The following LOC400499 variants were observed in gnomAD, a reference collection of about 807,000 sequenced individuals.
the LOC400499 span, chr16:11,523,624 G>C: frequency 2.5e-6 from 1 of 394,272 alleles, no homozygotes; most frequent in East Asian, 3.6e-5. Flanking sequence ...TCAGGGGAGG[G>C]AGGGCCACAA....
chr16:11,487,071 T>C, the LOC400499 span, among the ~76,000 whole-genome samples: 1 of 149,768 alleles, frequency 6.7e-6, no homozygotes, highest in East Asian at 2.0e-4. Context: ...AGGGATGGAG[T>C]GATGGAGGCA....
the LOC400499 span, among the ~76,000 whole-genome samples, chr16:11,464,563 A>C: frequency 6.6e-6 from 1 of 152,188 alleles, no homozygotes; most frequent in Admixed American, 6.5e-5. Flanking sequence ...CTTAAATCCC[A>C]TTAGCTTTGA....
At chr16:11,463,797 G>A in the LOC400499 span, among the ~76,000 whole-genome samples, 386 of 152,214 alleles carry the variant, frequency 2.5e-3, 4 homozygotes, top group African/African-American at 6.0e-3. Context: ...ACATATGGAT[G>A]TTTGTGTGTA....
At chr16:11,377,375 T>C in the LOC400499 span, among the ~76,000 whole-genome samples, 3 of 152,252 alleles carry the variant, frequency 2.0e-5, no homozygotes, top group South Asian at 6.2e-4. Context: ...TCCAGCATTA[T>C]GAAAGCAGGC....
chr16:11,384,528 G>C, the LOC400499 span, among the ~76,000 whole-genome samples: 1 of 152,150 alleles, frequency 6.6e-6, no homozygotes. Flanking sequence ...AAGCACAGGG[G>C]CTCAGGGACA....
At chr16:11,423,208 G>A in the LOC400499 span, 8 of 399,310 alleles carry the variant, frequency 2.0e-5, no homozygotes, top group South Asian at 2.5e-4. Flanking sequence ...ATGTCCCCTC[G>A]GCACCATCCT....
chr16:11,417,468 G>C, the LOC400499 span, among the ~76,000 whole-genome samples: 1 of 146,078 alleles, frequency 6.8e-6, no homozygotes. Flanking sequence ...CCTGCCTTGG[G>C]AGTTAGGTCA....
chr16:11,476,640 C>A, the LOC400499 span: 2 of 372,558 alleles, frequency 5.4e-6, no homozygotes, highest in Non-Finnish European at 9.1e-6. Flanking sequence ...CCATGCACAT[C>A]CCCTTGTGCA....
At chr16:11,511,675 C>G in the LOC400499 span, among the ~76,000 whole-genome samples, 2,949 of 152,220 alleles carry the variant, frequency 0.019, 106 homozygotes, top group African/African-American at 0.068. Context: ...CTGCCAGGGT[C>G]TGGGAAGATG....
chr16:11,396,396 T>C, the LOC400499 span: 4 of 1,003,952 alleles, frequency 4.0e-6, no homozygotes, highest in African/African-American at 1.7e-5. Flanking sequence ...GTTCCTCAGA[T>C]AGCCACTAGA....
the LOC400499 span, chr16:11,514,666 G>A: frequency 7.5e-6 from 3 of 397,928 alleles, no homozygotes; most frequent in South Asian, 1.4e-4. Context: ...CCCACTCAGC[G>A]AGGCTGGGGA....
At chr16:11,475,899 C>G in the LOC400499 span, among the ~76,000 whole-genome samples, 5 of 152,210 alleles carry the variant, frequency 3.3e-5, no homozygotes, top group African/African-American at 1.2e-4. Flanking sequence ...CTGAGGACCA[C>G]AGAGAGTGAC....
the LOC400499 span, chr16:11,446,623 A>C: frequency 6.5e-7 from 1 of 1,536,104 alleles, no homozygotes; most frequent in South Asian, 1.2e-5. Context: ...TGGATGCATC[A>C]GACCTGCACA....
chr16:11,473,990 A>T, the LOC400499 span, among the ~76,000 whole-genome samples: 4 of 152,088 alleles, frequency 2.6e-5, no homozygotes. Flanking sequence ...AGTAGCTAGG[A>T]CCACTGGTGC....
chr16:11,474,569 G>A, the LOC400499 span, among the ~76,000 whole-genome samples: 1 of 152,116 alleles, frequency 6.6e-6, no homozygotes, highest in African/African-American at 2.4e-5. Flanking sequence ...GGTTGGTAAA[G>A]GAAAATAAAG....
chr16:11,474,709 A>T, the LOC400499 span, among the ~76,000 whole-genome samples: 6 of 151,888 alleles, frequency 4.0e-5, no homozygotes, highest in African/African-American at 1.5e-4. Flanking sequence ...AATACAAAAA[A>T]AAAAAAAAAA....
chr16:11,384,795 C>T, the LOC400499 span: 3 of 1,127,736 alleles, frequency 2.7e-6, no homozygotes, highest in Admixed American at 4.2e-5. Context: ...GCTCTGCATG[C>T]ACGGTAGCCC....
At chr16:11,426,651 G>A in the LOC400499 span, among the ~76,000 whole-genome samples, 1 of 151,280 alleles carries the variant, frequency 6.6e-6, no homozygotes, top group African/African-American at 2.4e-5. Flanking sequence ...AGGCCAGGCT[G>A]GGTGCAGTGG....
chr16:11,390,316 C>T, the LOC400499 span: 1 of 1,233,174 alleles, frequency 8.1e-7, no homozygotes, highest in Non-Finnish European at 1.0e-6. Context: ...CAGGGCCGCC[C>T]TGATGGGCCT....
Sources: allele counts gnomAD v4.1 joint callset (sites outside exome capture counted in the v4.1 genomes callset), GRCh38; gene constraint gnomAD v4.1.1; transcripts MANE v1.5.